Variants in SLC7A2 observed in about 807,000 individuals in gnomAD.
SLC7A2 encodes the protein cationic amino acid transporter 2.
A neutral mutation model predicts 58.9 loss-of-function variants in SLC7A2; 48 were observed. That is an observed-to-expected ratio of 0.82 (90% confidence interval 0.65 to 1.04). SLC7A2 has a LOEUF of 1.04. Among genes scored for constraint, SLC7A2 ranks in the 50% least tolerant of loss-of-function variants. The pLI is 0.00. For missense variants in SLC7A2, 1,029 were observed against 818.8 expected, an observed-to-expected ratio of 1.26 and a Z score of -3.13; for synonymous variants, 363 against 314.5, an observed-to-expected ratio of 1.15 and a Z score of -1.63.
intron 2 of SLC7A2, among the ~76,000 whole-genome samples, chr8:17,503,207 C>T (rs922802384): frequency 2.6e-5 from 4 of 151,898 alleles, no homozygotes; most frequent in Admixed American, 6.6e-5. Flanking sequence ...CCCGCCACCA[C>T]GCCCGGCTAA....
At chr8:17,499,740 A>T (rs1800081308) in intron 1 of SLC7A2, among the ~76,000 whole-genome samples, 3 of 152,094 alleles carry the variant, frequency 2.0e-5, no homozygotes, top group Non-Finnish European at 4.4e-5. Flanking sequence ...CACTTAAGTG[A>T]TAGCACTTGT....
chr8:17,526,300 T>C (rs1257844901), intron 2 of SLC7A2, among the ~76,000 whole-genome samples: 3 of 152,016 alleles, frequency 2.0e-5, no homozygotes, highest in South Asian at 2.1e-4. Flanking sequence ...AAATGGTTGA[T>C]TGGAAGCTTG....
chr8:17,496,798 C>G (rs996137258), upstream of SLC7A2, among the ~76,000 whole-genome samples: 6 of 152,142 alleles, frequency 3.9e-5, no homozygotes, highest in Admixed American at 3.9e-4. Flanking sequence ...GAGGTTTGGT[C>G]CTCCCAGGAG....
chr8:17,530,248 A>G (rs987753970), intron 2 of SLC7A2, among the ~76,000 whole-genome samples: 2 of 152,152 alleles, frequency 1.3e-5, no homozygotes, highest in Admixed American at 6.5e-5. Context: ...GACAGAGAGG[A>G]TAAGAAAGAA....
At chr8:17,517,749 C>T (rs1800859463) in intron 2 of SLC7A2, among the ~76,000 whole-genome samples, 1 of 152,068 alleles carries the variant, frequency 6.6e-6, no homozygotes, top group African/African-American at 2.4e-5. Context: ...TTTTACAATT[C>T]TGAAGTCTTT....
chr8:17,525,292 A>G (rs1413739233), intron 2 of SLC7A2, among the ~76,000 whole-genome samples: 1 of 152,170 alleles, frequency 6.6e-6, no homozygotes, highest in Non-Finnish European at 1.5e-5. Flanking sequence ...GATCAGATGG[A>G]TATGCTAATT....
At chr8:17,518,643 G>GACAA (rs55923698) in intron 2 of SLC7A2, among the ~76,000 whole-genome samples, 16 of 151,834 alleles carry the variant, frequency 1.1e-4, no homozygotes, top group Admixed American at 8.5e-4. Context: ...ATTAGCAAAA[G>GACAA]ACAAACAAAG....
chr8:17,560,529 C>T lies in SLC7A2; in HGVS notation c.1500C>T (p.Phe500=). Residue 500 remains phenylalanine (F), a synonymous_variant, in exon 10 of 13, where the codon TTC becomes TTT. Coordinates refer to ENST00000494857, the MANE Select transcript of SLC7A2 (RefSeq NM_001370338.1). ...SASLVSFLVG[F]LAFLVLGLSV... is the part of the protein sequence containing the mutation. ...CTCTCGTGAGCTTTCTGGTAGGATTCCTAGGTAAGTCTTCTTCTCTGCTTA... is the reference window on the plus strand; with the variant it reads ...CTCTCGTGAGCTTTCTGGTAGGATTTCTAGGTAAGTCTTCTTCTCTGCTTA... 6.2e-7 allele frequency: 1 copy of T among 1,612,576 alleles called. No individual in the cohort carries two copies.
chr8:17,507,544 A>T (rs1039341489), intron 2 of SLC7A2, among the ~76,000 whole-genome samples: 4 of 152,166 alleles, frequency 2.6e-5, no homozygotes, highest in Admixed American at 6.5e-5. Flanking sequence ...AGGATTTTGA[A>T]CATCCACAAT....
chr8:17,542,647 T>A (rs2150736783), intron 2 of SLC7A2, among the ~76,000 whole-genome samples: 1 of 116,534 alleles, frequency 8.6e-6, no homozygotes, highest in South Asian at 2.3e-4. Context: ...TGAGACCCTG[T>A]CTCAAAAAAA....
Position 17,501,064 on chromosome 8 carries a change from A to G in SLC7A2, c.-68-1193A>G, listed in dbSNP as rs562373652. Among the ~76,000 whole-genome samples, 4 of 150,954 alleles carry G rather than the reference A, an allele frequency of 2.6e-5. No individual in the cohort carries two copies. The South Asian group carries it at 6.3e-4, about 24-fold the overall frequency. ...AGTCTCGTTCTGACGCCCAGGCTAG[A>G]GTGCAGTGGTGCGACCTTGGCTCAC... On this transcript the variant is annotated intron_variant, in intron 1 of 12. Coordinates refer to ENST00000494857, the MANE Select transcript of SLC7A2 (RefSeq NM_001370338.1).
At chr8:17,530,852 G>A (rs2150711203) in intron 2 of SLC7A2, among the ~76,000 whole-genome samples, 1 of 152,238 alleles carries the variant, frequency 6.6e-6, no homozygotes, top group East Asian at 1.9e-4. Context: ...TAGTACAGGT[G>A]TGAGCTACTG....
In SLC7A2 at chr8:17,531,032, G is replaced by A. The variant is rs759711325; in HGVS notation, c.-22-12286G>A. On this transcript the variant is annotated intron_variant, in intron 2 of 12. Transcript: ENST00000494857. ...CTAATTCATTTACAAATCTCCATAC[G>A]GTGTGGTTTCAAATAATTGCTTCCT... 9.2e-5 allele frequency among the ~76,000 whole-genome samples: 14 copies of A among 152,062 alleles called. 1 individual carries two copies. Among genetic ancestry groups the A allele is most frequent in the South Asian group, 4.2e-4 (2 of 4,818 alleles).
In SLC7A2 at chr8:17,548,989, T is replaced by C. The variant is rs1466222164; in HGVS notation, c.698+146T>C. ...AAAAAGAGATTTAATGGACTCACAG[T>C]TCCACATGGCTGGGGAAGCCTCACA... On this transcript the variant is annotated intron_variant, in intron 5 of 12. Transcript: ENST00000494857. 33 of 720,946 alleles carry C rather than the reference T, an allele frequency of 4.6e-5. No individual in the cohort carries two copies. In the East Asian group the frequency reaches 8.1e-4, roughly 18 times the overall value. The allele number at this position is 720,946 out of a possible 1,614,324, so 44.7% of individuals were successfully genotyped here.
intron 4 of SLC7A2, among the ~76,000 whole-genome samples, chr8:17,545,496 C>G (rs2150743512): frequency 7.0e-6 from 1 of 142,776 alleles, no homozygotes; most frequent in Non-Finnish European, 1.5e-5. Flanking sequence ...CTCCCGGGTG[C>G]AAGCGATTCT....
chr8:17,558,003 C>T (rs988253378), intron 8 of SLC7A2, among the ~76,000 whole-genome samples: 1 of 152,068 alleles, frequency 6.6e-6, no homozygotes, highest in Non-Finnish European at 1.5e-5. Flanking sequence ...TGACAGTGTT[C>T]TGTCATGTAA....
chr8:17,523,111 C>G (rs1479578547), intron 2 of SLC7A2, among the ~76,000 whole-genome samples: 4 of 151,854 alleles, frequency 2.6e-5, no homozygotes, highest in Non-Finnish European at 5.9e-5. Flanking sequence ...ACCCATGTAA[C>G]AAACCTGCAT....
intron 4 of SLC7A2, among the ~76,000 whole-genome samples, chr8:17,547,832 T>C (rs975228481): frequency 7.6e-6 from 1 of 132,404 alleles, no homozygotes; most frequent in Non-Finnish European, 1.8e-5. Context: ...GTTTACAAAA[T>C]TTGGGAGGGA....
chr8:17,517,647 C>T (rs1858712), intron 2 of SLC7A2, among the ~76,000 whole-genome samples: 100,764 of 151,650 alleles, frequency 0.66, 33,855 homozygotes, highest in South Asian at 0.75. Context: ...TTGATTTTCC[C>T]GTATTGCTTA....
Sources: allele counts gnomAD v4.1 joint callset (sites outside exome capture counted in the v4.1 genomes callset), GRCh38; gene constraint gnomAD v4.1.1; transcripts MANE v1.5; gene names NCBI Gene and HGNC (gene_info 2026-07-23, HGNC 2026-07-21).